The following PSD3 variants were observed in gnomAD, a reference collection of about 807,000 sequenced individuals.
PSD3 encodes PH and SEC7 domain-containing protein 3.
A neutral mutation model predicts 105.5 loss-of-function variants in PSD3; 49 were observed. The ratio of observed to expected loss-of-function variants is 0.46; its 90% CI spans 0.37 to 0.59. PSD3 has a LOEUF of 0.59. PSD3 is among the 20% of genes least tolerant of loss of function. The pLI is 0.00. For synonymous variants in PSD3, 557 were observed against 457.8 expected (o/e 1.22, Z -2.77); for missense variants, 1,561 against 1,263.8 (o/e 1.24, Z -3.57).
intron 2 of PSD3, among the ~76,000 whole-genome samples, chr8:18,911,854 A>T (rs1820245787): frequency 6.6e-6 from 1 of 152,158 alleles, no homozygotes; most frequent in Admixed American, 6.5e-5. Context: ...CTCAGGTTTG[A>T]ACACCCCAAA....
At chr8:18,596,750 C>T (rs1192615754) in intron 12 of PSD3, among the ~76,000 whole-genome samples, 1 of 151,932 alleles carries the variant, frequency 6.6e-6, no homozygotes, top group Non-Finnish European at 1.5e-5. Flanking sequence ...TTACTAGAAA[C>T]CTACAATCTA....
rs188877754 is a variant in PSD3, at chr8:19,036,722, C to T, written c.324+47484G>A. On this transcript the variant is annotated intron_variant, in intron 1 of 1. Coordinates refer to the PSD3 transcript ENST00000521475. ...TCCTCACTTAGACCAGATTCATGAA[C>T]CCCAGGCTGAATACTATGTAATGAA... 2.6e-5 allele frequency among the ~76,000 whole-genome samples: 4 copies of T among 152,240 alleles called. No homozygotes were observed. The East Asian group carries it at 5.8e-4, about 22-fold the overall frequency.
intron 9 of PSD3, among the ~76,000 whole-genome samples, chr8:18,671,045 A>C (rs1799755856): frequency 6.6e-6 from 1 of 152,192 alleles, no homozygotes; most frequent in African/African-American, 2.4e-5. Context: ...AGTTGTCTTA[A>C]CCACAGCGAG....
chr8:18,898,129 T>A (rs1447849218), intron 2 of PSD3, among the ~76,000 whole-genome samples: 1 of 152,230 alleles, frequency 6.6e-6, no homozygotes, highest in Non-Finnish European at 1.5e-5. Context: ...AGAGTTTGAT[T>A]AAAGTGCAGT....
chr8:18,765,619 A>G, intron 8 of PSD3, 81 bp from the exon 9 acceptor site: 3 of 1,212,892 alleles, frequency 2.5e-6, no homozygotes, highest in Non-Finnish European at 3.6e-6. Context: ...AGGCAGACCA[A>G]TAATTTGTTT....
chr8:18,687,900 T>C (rs370070738), intron 9 of PSD3, among the ~76,000 whole-genome samples: 12 of 152,230 alleles, frequency 7.9e-5, no homozygotes, highest in African/African-American at 2.9e-4. Context: ...CTGGAGTAGC[T>C]GGGATTACAG....
intron 4 of PSD3, among the ~76,000 whole-genome samples, chr8:18,846,446 G>T (rs1291258524): frequency 1.3e-5 from 2 of 152,116 alleles, no homozygotes; most frequent in Non-Finnish European, 2.9e-5. Flanking sequence ...ACGCCCTGCA[G>T]GGAAACATGT....
In PSD3 at chr8:18,585,002, T is replaced by C. The variant is rs578248632; in HGVS notation, c.2482-9717A>G. ...GTAGAAGTCATGTCATATATATAAT[T>C]AATGTCTATGGGAATGAGGAATGGG... On this transcript the variant is annotated intron_variant, in intron 12 of 15. Transcript: ENST00000327040. Among the ~76,000 whole-genome samples, 4 of 152,250 alleles carry C rather than the reference T, an allele frequency of 2.6e-5. No homozygotes were observed. In the East Asian group the frequency reaches 7.7e-4, roughly 29 times the overall value.
chr8:18,944,657 G>A (rs532764805), intron 1 of PSD3, among the ~76,000 whole-genome samples: 5 of 151,982 alleles, frequency 3.3e-5, no homozygotes, highest in South Asian at 2.1e-4. Flanking sequence ...TCTTAGTAAC[G>A]AATTATTACG....
chr8:19,051,857 G>C (rs985301590), intron 1 of PSD3, among the ~76,000 whole-genome samples: 6 of 152,182 alleles, frequency 3.9e-5, no homozygotes, highest in African/African-American at 1.4e-4. Flanking sequence ...CAGTCTACAG[G>C]AGTAAGATCT....
At chr8:18,648,688 G>C (rs1317697938) in intron 10 of PSD3, among the ~76,000 whole-genome samples, 1 of 152,186 alleles carries the variant, frequency 6.6e-6, no homozygotes, top group African/African-American at 2.4e-5. Context: ...TGCCTCAAAG[G>C]CATTTCAGAG....
intron 1 of PSD3, among the ~76,000 whole-genome samples, chr8:18,997,051 T>C (rs982003796): frequency 6.6e-6 from 1 of 151,938 alleles, no homozygotes; most frequent in Non-Finnish European, 1.5e-5. Flanking sequence ...TTCTCATCTC[T>C]TCAATCTCAG....
intron 9 of PSD3, 147 bp downstream of exon 9, chr8:18,765,302 C>T (rs917416039): frequency 1.5e-6 from 1 of 668,978 alleles, no homozygotes; most frequent in Non-Finnish European, 2.6e-6. Context: ...CACGAAAAAT[C>T]AAGGACAAGG....
chr8:19,040,264 A>T (rs1828076878), intron 1 of PSD3, among the ~76,000 whole-genome samples: 1 of 152,144 alleles, frequency 6.6e-6, no homozygotes, highest in African/African-American at 2.4e-5. Context: ...GTGCAGCGGC[A>T]TGATCTTCGC....
chr8:18,590,042 G>T (rs369378114), intron 12 of PSD3, among the ~76,000 whole-genome samples: 2 of 151,528 alleles, frequency 1.3e-5, no homozygotes, highest in African/African-American at 2.4e-5. Context: ...AACAAGCAAA[G>T]AAAACAACAA....
intron 9 of PSD3, among the ~76,000 whole-genome samples, chr8:18,750,441 G>C (rs991309748): frequency 6.6e-6 from 1 of 152,056 alleles, no homozygotes; most frequent in Non-Finnish European, 1.5e-5. Context: ...TCGTGGTCTT[G>C]CTGGGCTCAG....
intron 9 of PSD3, among the ~76,000 whole-genome samples, chr8:18,703,300 C>T (rs559716665): frequency 6.6e-6 from 1 of 152,274 alleles, no homozygotes; most frequent in South Asian, 2.1e-4. Flanking sequence ...TGCAAATGAG[C>T]CTGCCACTGA....
intron 1 of PSD3, among the ~76,000 whole-genome samples, chr8:18,947,320 C>T (rs1822930077): frequency 2.0e-5 from 3 of 152,226 alleles, no homozygotes; most frequent in Admixed American, 6.5e-5. Flanking sequence ...AAGCAAGCCT[C>T]GGTCCTCACC....
At chr8:19,059,799 G>C (rs1193901909) in intron 1 of PSD3, among the ~76,000 whole-genome samples, 1 of 152,234 alleles carries the variant, frequency 6.6e-6, no homozygotes, top group Non-Finnish European at 1.5e-5. Context: ...TGGATCATTT[G>C]CTTTTTTCCC....
Sources: gnomAD v4.1 joint callset for allele counts (sites outside exome capture counted in the v4.1 genomes callset) on GRCh38, gnomAD v4.1.1 for gene constraint, MANE v1.5 for transcripts, NCBI Gene and HGNC (gene_info 2026-07-23, HGNC 2026-07-21) for gene names.